Variants in DCAF10 observed in about 807,000 individuals in gnomAD.
The protein encoded by DCAF10 is DDB1- and CUL4-associated factor 10.
In DCAF10, 19 loss-of-function variants were observed where a neutral mutation model predicts 51.9. That is an observed-to-expected ratio of 0.37 (90% CI 0.26 to 0.54). The LOEUF (loss-of-function observed/expected upper bound fraction) is 0.54. Ranked by LOEUF, DCAF10 falls within the 20% of genes least tolerant of loss-of-function variation. The probability of loss-of-function intolerance (pLI) is 0.87; values close to 1 mark genes in which losing one functional copy is unlikely to be tolerated. For missense variants in DCAF10, 510 were observed against 730.6 expected, an observed-to-expected ratio of 0.70 and a Z score of 3.48; for synonymous variants, 291 against 297.1, an observed-to-expected ratio of 0.98 and a Z score of 0.21.
At chr9:37,800,654 A>T (rs1195425551), upstream of DCAF10, 1 of 1,535,790 alleles carries the variant, frequency 6.5e-7, no homozygotes, top group African/African-American at 1.4e-5. Flanking sequence ...ACAGGTAACT[A>T]CTCGCTCCCT....
In DCAF10 at chr9:37,860,078, T is replaced by TA; in HGVS notation, c.1198dup (p.Thr400AsnfsTer3). On this transcript the variant is annotated frameshift_variant, in exon 6 of 7. Coordinates refer to ENST00000377724, the MANE Select transcript of DCAF10 (RefSeq NM_024345.5). LOFTEE classifies it high-confidence loss of function. ...TCACCACGAAATAGTCTTGAAGTCG[T>TA]AACCCCTGAAGTTCTTGGTGAGAGT... The TA allele has an allele frequency of 1.2e-6, 2 of 1,614,152 alleles. No individual in the cohort carries two copies. The highest frequency in any genetic ancestry group is 1.7e-6 in the Non-Finnish European group (2 of 1,179,990).
intron 1 of DCAF10, among the ~76,000 whole-genome samples, chr9:37,813,137 G>A (rs1482287173): frequency 6.6e-6 from 1 of 152,152 alleles, no homozygotes; most frequent in Non-Finnish European, 1.5e-5. Flanking sequence ...ATCTTGCACT[G>A]TTGCCCAGGC....
At chr9:37,842,760 C>T (rs1259255679) in intron 3 of DCAF10, among the ~76,000 whole-genome samples, 1 of 152,196 alleles carries the variant, frequency 6.6e-6, no homozygotes, top group Non-Finnish European at 1.5e-5. Context: ...AGAGAACTAT[C>T]TACTAGCATG....
In DCAF10 at chr9:37,866,355, G is replaced by A. The variant is rs1831137018; in HGVS notation, c.*4847G>A. 6.6e-6 allele frequency: 1 copy of A among 152,556 alleles called. No homozygotes were observed. Among genetic ancestry groups the A allele is most frequent in the African/African-American group, 2.4e-5 (1 of 41,430 alleles). The allele number at this position is 152,556 out of a possible 1,614,324, so 9.5% of individuals were successfully genotyped here. A position where few individuals can be genotyped will look rare whatever the true frequency, so the allele number is the denominator to read the frequency against. On this transcript the variant is annotated 3_prime_UTR_variant, in exon 7 of 7. Coordinates refer to ENST00000377724, the MANE Select transcript of DCAF10 (RefSeq NM_024345.5). ...ATTATTATAAGTATCCAGCTCTGAT[G>A]TATGTAAAACACTTCATAAAATGTA...
chr9:37,838,703 C>G (rs1226838831), intron 2 of DCAF10, among the ~76,000 whole-genome samples: 1 of 151,884 alleles, frequency 6.6e-6, no homozygotes, highest in Non-Finnish European at 1.5e-5. Context: ...ACCAGCCTGG[C>G]CAACCTGACA....
chr9:37,857,474 GT>G, intron 5 of DCAF10, 123 bp downstream of exon 5: 1 of 642,618 alleles, frequency 1.6e-6, no homozygotes, highest in Non-Finnish European at 2.4e-6. Context: ...TGGAGATGAG[GT>G]GATTTATCCC....
chr9:37,810,554 C>T (rs554353497), intron 1 of DCAF10, among the ~76,000 whole-genome samples: 16 of 152,206 alleles, frequency 1.1e-4, no homozygotes, highest in South Asian at 1.0e-3. Context: ...CTCTGCCTCC[C>T]GGGTTCAAGC....
At chr9:37,814,364 G>T (rs1829465367) in intron 1 of DCAF10, among the ~76,000 whole-genome samples, 2 of 135,254 alleles carry the variant, frequency 1.5e-5, no homozygotes, top group African/African-American at 5.6e-5. Flanking sequence ...TGGCCAGCCT[G>T]GTCTCAAACT....
chr9:37,854,691 T>G, intron 3 of DCAF10, 89 bp from the exon 4 acceptor site: 1 of 1,275,288 alleles, frequency 7.8e-7, no homozygotes, highest in Non-Finnish European at 1.1e-6. Flanking sequence ...CCTCCCTACA[T>G]TTTATTTTGA....
At chr9:37,808,218 G>A (rs1253837964) in intron 1 of DCAF10, among the ~76,000 whole-genome samples, 1 of 151,706 alleles carries the variant, frequency 6.6e-6, no homozygotes, top group African/African-American at 2.4e-5. Flanking sequence ...TGGATCACTT[G>A]AGCCTGGGAG....
At chr9:37,806,283 C>T (rs561987560) in intron 1 of DCAF10, among the ~76,000 whole-genome samples, 2 of 152,176 alleles carry the variant, frequency 1.3e-5, no homozygotes, top group African/African-American at 2.4e-5. Flanking sequence ...AATGCTTCAT[C>T]GCCTTCCTTG....
upstream of DCAF10, chr9:37,800,620 G>A (rs1016179188): frequency 5.2e-6 from 8 of 1,535,980 alleles, no homozygotes; most frequent in African/African-American, 5.5e-5. Context: ...CCCAGATCAG[G>A]TGCCCAGATG....
At position 37,866,155 on chromosome 9, in the gene DCAF10, A is replaced by G. The variant is rs1481719436; in HGVS notation, c.*4647A>G. The G allele has an allele frequency of 1.3e-5, 2 of 152,616 alleles. No individual in the cohort carries two copies. The highest frequency in any genetic ancestry group is 2.9e-5 in the Non-Finnish European group (2 of 68,034). The allele number at this position is 152,616 out of a possible 1,614,324, so 9.5% of individuals were successfully genotyped here. A position where few individuals can be genotyped will look rare whatever the true frequency, so the allele number is the denominator to read the frequency against. On this transcript the variant is annotated 3_prime_UTR_variant, in exon 7 of 7. Coordinates refer to ENST00000377724, the MANE Select transcript of DCAF10 (RefSeq NM_024345.5). ...GTTGGTCTTGAAGGAAACCGTACATATGAATTTTTGGATAGCTAATGTATA... is the reference window on the plus strand; with the variant it reads ...GTTGGTCTTGAAGGAAACCGTACATGTGAATTTTTGGATAGCTAATGTATA...
At chr9:37,820,313 C>T (rs181860640) in intron 2 of DCAF10, among the ~76,000 whole-genome samples, 14 of 152,200 alleles carry the variant, frequency 9.2e-5, no homozygotes, top group East Asian at 5.8e-4. Flanking sequence ...AAGTTTTAAA[C>T]GGGGCTGAAA....
At position 37,847,781 on chromosome 9, in the gene DCAF10, C is replaced by G. The variant is rs182799265; in HGVS notation, c.851+5495C>G. ...AGTAAGGAACCTACCAAGAAATCCA[C>G]TAGACCTAATAAACAAGTTTAGTAA... is the stretch of plus-strand genomic sequence containing the variant. On this transcript the variant is annotated intron_variant, in intron 3 of 6. Coordinates refer to ENST00000377724, the MANE Select transcript of DCAF10 (RefSeq NM_024345.5). Among the ~76,000 whole-genome samples, 7 of 152,274 alleles carry G rather than the reference C, an allele frequency of 4.6e-5. No individual in the cohort carries two copies. The East Asian group carries it at 1.3e-3, about 29-fold the overall frequency.
chr9:37,834,327 TAAAGTC>T (rs1269502516), intron 2 of DCAF10, among the ~76,000 whole-genome samples: 2 of 149,984 alleles, frequency 1.3e-5, no homozygotes, highest in African/African-American at 5.1e-5. Context: ...ATGAGCCAAT[TAAAGTC>T]AAAGTATTGA....
At position 37,801,599 on chromosome 9, in the gene DCAF10, A is replaced by G. The variant is rs1431692250; in HGVS notation, c.539+194A>G. ...AATCCCCAGCCCAGCTTTTTGAGGC[A>G]GGCAGGCGGGGCCCCACTTGCTCGC... On this transcript the variant is annotated intron_variant, in intron 1 of 6. Transcript: ENST00000377724. This position sits in a 1 kb window ranked among gnomAD's most constrained non-coding sequence, Gnocchi z 5.5. Among the ~76,000 whole-genome samples the G allele has an allele frequency of 2.6e-5, 4 of 152,192 alleles. No homozygotes were observed. Among genetic ancestry groups the G allele is most frequent in the Admixed American group, 2.0e-4 (3 of 15,282 alleles).
At chr9:37,833,490 T>C (rs752035350) in intron 2 of DCAF10, among the ~76,000 whole-genome samples, 6 of 152,218 alleles carry the variant, frequency 3.9e-5, no homozygotes, top group South Asian at 4.1e-4. Flanking sequence ...TTTTAAGATA[T>C]AGACTCAACA....
At chr9:37,840,530 AAG>A (rs1166670778) in intron 2 of DCAF10, among the ~76,000 whole-genome samples, 2 of 152,248 alleles carry the variant, frequency 1.3e-5, no homozygotes, top group Non-Finnish European at 2.9e-5. Flanking sequence ...GCTATAAAGA[AAG>A]AAAATATTTT....
Sources: gnomAD v4.1 joint callset for allele counts (sites outside exome capture counted in the v4.1 genomes callset) on GRCh38, gnomAD v4.1.1 for gene constraint, Gnocchi (gnomAD v3.1) non-coding constraint, MANE v1.5 for transcripts, NCBI Gene and HGNC (gene_info 2026-07-23, HGNC 2026-07-21) for gene names.